Variants in ARHGAP44 observed in about 807,000 individuals in gnomAD.
The protein encoded by ARHGAP44 is Rho GTPase activating protein 44.
A neutral mutation model predicts 106.8 loss-of-function variants in ARHGAP44; 43 were observed. The ratio of observed to expected loss-of-function variants is 0.40; its 90% confidence interval spans 0.32 to 0.52. The LOEUF is 0.52. ARHGAP44 is among the 20% of genes least tolerant of loss of function. The pLI is 0.48. For synonymous variants in ARHGAP44, 439 were observed against 410.3 expected, an observed-to-expected ratio of 1.07 and a Z score of -0.85; for missense variants, 866 against 1,050.5, an observed-to-expected ratio of 0.82 and a Z score of 2.43.
intron 1 of ARHGAP44, among the ~76,000 whole-genome samples, chr17:12,829,574 T>C (rs2035027485): frequency 6.6e-6 from 1 of 152,210 alleles, no homozygotes; most frequent in South Asian, 2.1e-4. Flanking sequence ...CTCTTGGAAG[T>C]TCTATTTGTT....
In ARHGAP44 at chr17:12,876,780, G is replaced by A. The variant is rs1032951526; in HGVS notation, c.54-18160G>A. Among the ~76,000 whole-genome samples the A allele has an allele frequency of 1.6e-3, 237 of 151,814 alleles. 2 individuals are homozygous for A. Among genetic ancestry groups the A allele is most frequent in the Non-Finnish European group, 4.6e-4 (31 of 67,930 alleles). ...ACAAAAATTAGCTGGGCATGGTGGC[G>A]TGCACTTGTAATCCCAGCTACGTGG... is the stretch of plus-strand genomic sequence containing the variant. On this transcript the variant is annotated intron_variant, in intron 1 of 20. Coordinates refer to ENST00000379672, the MANE Select transcript of ARHGAP44 (RefSeq NM_014859.6).
At chr17:12,889,689 A>T (rs1050629580) in intron 1 of ARHGAP44, among the ~76,000 whole-genome samples, 1 of 152,284 alleles carries the variant, frequency 6.6e-6, no homozygotes, top group East Asian at 1.9e-4. Flanking sequence ...ACTGGTTCCA[A>T]TACCACCTCA....
intron 4 of ARHGAP44, among the ~76,000 whole-genome samples, chr17:12,911,430 C>G (rs1297993753): frequency 6.6e-6 from 1 of 152,054 alleles, no homozygotes; most frequent in Non-Finnish European, 1.5e-5. Context: ...TGGGAACTAA[C>G]TTGGCAAGTC....
At chr17:12,955,764 A>C (rs1405620693) in intron 13 of ARHGAP44, 103 bp from the exon 14 acceptor site, 1 of 674,522 alleles carries the variant, frequency 1.5e-6, no homozygotes, top group Non-Finnish European at 2.6e-6. Flanking sequence ...CGAGTCTCCT[A>C]GTCAGTGAGA....
At chr17:12,807,804 C>T (rs576334965) in intron 1 of ARHGAP44, among the ~76,000 whole-genome samples, 4 of 152,320 alleles carry the variant, frequency 2.6e-5, no homozygotes, top group South Asian at 4.1e-4. Context: ...TCCCAACAGT[C>T]CCCCAAAGTC....
intron 4 of ARHGAP44, among the ~76,000 whole-genome samples, chr17:12,911,656 C>G (rs8077610): frequency 6.6e-6 from 1 of 152,046 alleles, no homozygotes; most frequent in Admixed American, 6.5e-5. Flanking sequence ...GTCTAGGAAC[C>G]TGTCATCCCC....
At chr17:12,902,608 G>A (rs1450589184) in intron 3 of ARHGAP44, among the ~76,000 whole-genome samples, 1 of 152,152 alleles carries the variant, frequency 6.6e-6, no homozygotes, top group East Asian at 1.9e-4. Flanking sequence ...GATGGTCTGT[G>A]AATATTTTAG....
intron 15 of ARHGAP44, among the ~76,000 whole-genome samples, chr17:12,957,739 C>G (rs1329287097): frequency 6.6e-6 from 1 of 152,148 alleles, no homozygotes; most frequent in African/African-American, 2.4e-5. Flanking sequence ...GCAGTTGTTA[C>G]ACTAAATTCG....
At chr17:12,871,214 T>A (rs1344611934) in intron 1 of ARHGAP44, among the ~76,000 whole-genome samples, 1 of 152,150 alleles carries the variant, frequency 6.6e-6, no homozygotes, top group Non-Finnish European at 1.5e-5. Flanking sequence ...TGGTTCTGTG[T>A]CCCCATCAAC....
chr17:12,926,320 G>A (rs2038226647), intron 6 of ARHGAP44, among the ~76,000 whole-genome samples: 1 of 150,660 alleles, frequency 6.6e-6, no homozygotes, highest in African/African-American at 2.4e-5. Context: ...AGCTGAGATT[G>A]CACCACTGCA....
intron 13 of ARHGAP44, among the ~76,000 whole-genome samples, chr17:12,954,214 C>T (rs1259544117): frequency 5.9e-5 from 9 of 152,020 alleles, no homozygotes; most frequent in East Asian, 1.9e-4. Flanking sequence ...ATTGTTTAAT[C>T]GGGACAAGGT....
chr17:12,845,470 T>G (rs2035539103), intron 1 of ARHGAP44, among the ~76,000 whole-genome samples: 1 of 143,710 alleles, frequency 7.0e-6, no homozygotes. Flanking sequence ...ATCGCGCCAT[T>G]GCACTCCAGC....
chr17:12,885,934 A>G (rs2036868968), intron 1 of ARHGAP44, among the ~76,000 whole-genome samples: 1 of 152,166 alleles, frequency 6.6e-6, no homozygotes, highest in African/African-American at 2.4e-5. Flanking sequence ...GTCTAAAGCA[A>G]GGTCACAGAT....
At chr17:12,810,788 A>G (rs1167019752) in intron 1 of ARHGAP44, among the ~76,000 whole-genome samples, 1 of 152,106 alleles carries the variant, frequency 6.6e-6, no homozygotes, top group African/African-American at 2.4e-5. Context: ...TCTCACTTGT[A>G]TCATATACAG....
intron 1 of ARHGAP44, among the ~76,000 whole-genome samples, chr17:12,812,763 G>A (rs1320788398): frequency 6.6e-6 from 1 of 152,206 alleles, no homozygotes; most frequent in East Asian, 1.9e-4. Context: ...CTCAACTGGG[G>A]AACAGGGAAG....
chr17:12,844,070 T>C (rs2035496577), intron 1 of ARHGAP44, among the ~76,000 whole-genome samples: 2 of 152,164 alleles, frequency 1.3e-5, no homozygotes, highest in African/African-American at 4.8e-5. Flanking sequence ...CGTGGACTCT[T>C]TGGAGTCTGC....
chr17:12,950,194 G>A (rs1043038471), intron 12 of ARHGAP44, among the ~76,000 whole-genome samples: 49 of 152,330 alleles, frequency 3.2e-4, no homozygotes, highest in African/African-American at 1.2e-3. Flanking sequence ...AGTTCTGGAA[G>A]GGCTCACGTA....
intron 7 of ARHGAP44, among the ~76,000 whole-genome samples, chr17:12,934,898 C>A (rs2038501901): frequency 6.6e-6 from 1 of 152,134 alleles, no homozygotes; most frequent in Non-Finnish European, 1.5e-5. Flanking sequence ...TGGACACAGC[C>A]AGATCATTTA....
intron 1 of ARHGAP44, among the ~76,000 whole-genome samples, chr17:12,813,489 T>A (rs1428473479): frequency 6.6e-6 from 1 of 152,194 alleles, no homozygotes; most frequent in Non-Finnish European, 1.5e-5. Context: ...ATATGTATGC[T>A]TGTCTGTATG....
Sources: gnomAD v4.1 joint callset for allele counts (sites outside exome capture counted in the v4.1 genomes callset) on GRCh38, gnomAD v4.1.1 for gene constraint, MANE v1.5 for transcripts, NCBI Gene and HGNC (gene_info 2026-07-23, HGNC 2026-07-21) for gene names.